Variants in SUN1 observed in about 807,000 individuals in gnomAD.
SUN1 encodes the protein SUN domain-containing protein 1.
SUN1 carries 61 observed loss-of-function variants against 103.2 expected under a neutral mutation model. That is an observed-to-expected ratio of 0.59 (90% confidence interval 0.48 to 0.73). SUN1 has a LOEUF of 0.73. Ranked by LOEUF, SUN1 falls within the 30% of genes least tolerant of loss-of-function variation. SUN1 has a pLI of 0.00. For synonymous variants in SUN1, 490 were observed against 425.7 expected, an observed-to-expected ratio of 1.15 and a Z score of -1.86; for missense variants, 1,052 against 1,034.6, an observed-to-expected ratio of 1.02 and a Z score of -0.23.
upstream of SUN1, chr7:831,002 C>T: frequency 1.0e-6 from 1 of 985,492 alleles, no homozygotes; most frequent in Non-Finnish European, 1.2e-6. Flanking sequence ...GGATCCAGGC[C>T]AAGGCCCTGT....
chr7:848,326 G>A, intron 5 of SUN1: 1 of 1,117,806 alleles, frequency 8.9e-7, no homozygotes, highest in South Asian at 1.3e-5. Context: ...TTCTAAAAGT[G>A]CCTGAAATGA....
intron 5 of SUN1, 51 bp downstream of exon 5, chr7:843,571 A>T: frequency 6.2e-7 from 1 of 1,613,578 alleles, no homozygotes; most frequent in East Asian, 2.2e-5. Context: ...TCCAAATTTA[A>T]TATTTCCTTT....
At chr7:864,336 T>C (rs559061089) in intron 15 of SUN1, among the ~76,000 whole-genome samples, 3 of 151,902 alleles carry the variant, frequency 2.0e-5, no homozygotes, top group South Asian at 2.1e-4. Flanking sequence ...TCACCTGAGA[T>C]TGGGAGTTTG....
At position 866,087 on chromosome 7, in the gene SUN1, C is replaced by T. The variant is rs755016066; in HGVS notation, c.1980+20C>T. Reference sequence around the variant, plus strand: ...ATCCAGGTGAGTGGCCGCCGGTGGCCGGAGCTGCTCCTCTTCAGCATGGAC... The same window carrying T: ...ATCCAGGTGAGTGGCCGCCGGTGGCTGGAGCTGCTCCTCTTCAGCATGGAC... On this transcript the variant is annotated intron_variant, in intron 16 of 18. Transcript: ENST00000401592. The T allele has an allele frequency of 6.9e-6, 11 of 1,605,504 alleles. No individual in the cohort carries two copies. Among genetic ancestry groups the T allele is most frequent in the Admixed American group, 5.0e-5 (3 of 59,970 alleles).
upstream of SUN1, chr7:832,241 CGAGTCA>C (rs1287320312): frequency 6.9e-6 from 4 of 578,808 alleles, no homozygotes; most frequent in Non-Finnish European, 1.0e-5. Context: ...CCTGGTTTCA[CGAGTCA>C]GCCACTTTAG....
upstream of SUN1, among the ~76,000 whole-genome samples, chr7:831,520 T>C (rs1040448444): frequency 6.6e-6 from 1 of 152,196 alleles, no homozygotes; most frequent in Non-Finnish European, 1.5e-5. Context: ...TCCGCCCACC[T>C]CGGCCTCCCA....
chr7:851,773 CA>C, intron 6 of SUN1, 176 bp from the exon 7 acceptor site: 1 of 647,918 alleles, frequency 1.5e-6, no homozygotes. Flanking sequence ...CCTGTGTGTT[CA>C]TCAGCATGAT....
chr7:852,186 A>T, intron 7 of SUN1, 143 bp downstream of exon 7: 1 of 779,866 alleles, frequency 1.3e-6, no homozygotes, highest in Non-Finnish European at 2.0e-6. Flanking sequence ...GTGCTTTTAT[A>T]TTCTTATTTT....
rs752603312 is a variant in SUN1 at position 838,981 on chromosome 7, G to A, written c.261G>A (p.Ala87=). The change falls in exon 2 of 19, where the codon GCG becomes GCA. Residue 87 remains alanine (A), a synonymous_variant. Coordinates refer to ENST00000401592, the MANE Select transcript of SUN1 (RefSeq NM_001130965.3). The part of the protein sequence containing the change: ...TSSAVSLKNR[A]ARTTKQRRST... ...GCGCTGTCTCCCTGAAGAACCGAGC[G>A]GCCAGGTGAGCACCGCTGCACTTCC... The A allele has an allele frequency of 8.2e-6, 13 of 1,578,262 alleles. No individual in the cohort carries two copies. The highest frequency in any genetic ancestry group is 8.1e-5 in the African/African-American group (6 of 74,278).
intron 1 of SUN1, among the ~76,000 whole-genome samples, chr7:822,380 C>T (rs1247035904): frequency 2.6e-5 from 4 of 152,146 alleles, no homozygotes; most frequent in Non-Finnish European, 4.4e-5. Context: ...GTGTGACAGA[C>T]ACTTTTGACA....
chr7:825,647 C>G (rs1216266907), intron 1 of SUN1, among the ~76,000 whole-genome samples: 1 of 152,162 alleles, frequency 6.6e-6, no homozygotes. Context: ...CAGGGTAAAT[C>G]ATCCGGTTTT....
intron 1 of SUN1, among the ~76,000 whole-genome samples, chr7:819,747 C>T (rs915446014): frequency 1.4e-5 from 2 of 140,474 alleles, no homozygotes; most frequent in South Asian, 2.2e-4. Context: ...CTTGCCCTGT[C>T]GCCCAGGCTG....
intron 13 of SUN1, among the ~76,000 whole-genome samples, chr7:859,206 T>G (rs1324942438): frequency 2.0e-5 from 3 of 151,444 alleles, no homozygotes; most frequent in African/African-American, 7.3e-5. Flanking sequence ...ATCAGGGAGC[T>G]GAGTCCTACT....
At chr7:869,748 C>T (rs914547017) in intron 17 of SUN1, among the ~76,000 whole-genome samples, 9 of 152,146 alleles carry the variant, frequency 5.9e-5, no homozygotes, top group African/African-American at 2.2e-4. Flanking sequence ...AAGGTAGACA[C>T]GCCTAAGAAT....
rs372849423 is a variant in SUN1 at position 851,453 on chromosome 7, C to T, written c.728C>T (p.Ser243Leu). The change falls in exon 6 of 19, where the codon TCG becomes TTG. Residue 243 changes from serine to leucine, a missense_variant. Physicochemically the swap from Ser to Leu is moderately radical, Grantham distance 145. Transcript: ENST00000401592. ...CAGGCTGTGTCCAGGACGGCGTGGT[C>T]GGCCCTTTGGCTGGCCGTGGTTGCT... ...VGQAVSRTAWSALWLAVVAPG... is the reference protein window; with the variant it reads ...VGQAVSRTAWLALWLAVVAPG... 131 of 1,609,142 alleles carry T rather than the reference C, an allele frequency of 8.1e-5. 1 individual carries two copies. The African/African-American group carries it at 1.5e-3, about 19-fold the overall frequency.
chr7:848,012 C>G lies in SUN1; in HGVS notation c.659-3372C>G, dbSNP rs188280850. On this transcript the variant is annotated intron_variant, in intron 5 of 18. Transcript: ENST00000401592. The stretch of plus-strand genomic sequence containing the variant: ...ACTCCGCAGTCCAGTCTCCGGGATC[C>G]CCTGGGGGTTACTCTGCAGTCCAGT... Among the ~76,000 whole-genome samples the G allele has an allele frequency of 5.9e-3, 889 of 150,158 alleles. 9 individuals are homozygous for G. Among genetic ancestry groups the G allele is most frequent in the Non-Finnish European group, 0.01 (681 of 66,928 alleles).
At chr7:823,009 G>A (rs1214381053) in intron 1 of SUN1, among the ~76,000 whole-genome samples, 1 of 152,244 alleles carries the variant, frequency 6.6e-6, no homozygotes, top group Admixed American at 6.5e-5. Flanking sequence ...CACGCACGTG[G>A]CCCTGTGGCC....
chr7:853,201 C>T (rs1275201286), intron 9 of SUN1: 11 of 744,542 alleles, frequency 1.5e-5, no homozygotes, highest in African/African-American at 3.5e-5. Flanking sequence ...GTACAAAGTA[C>T]AGAAAGTATA....
chr7:817,289 C>A, intron 1 of SUN1: 1 of 810,804 alleles, frequency 1.2e-6, no homozygotes, highest in South Asian at 1.5e-5. Context: ...GGGTTGTGGT[C>A]TCTCCATGCT....
Sources: allele counts gnomAD v4.1 joint callset (sites outside exome capture counted in the v4.1 genomes callset), GRCh38; gene constraint gnomAD v4.1.1; transcripts MANE v1.5; gene names NCBI Gene and HGNC (gene_info 2026-07-23, HGNC 2026-07-21).